Variants in TEX11 observed in about 807,000 individuals in gnomAD.
TEX11 encodes testis-expressed protein 11.
TEX11 carries 7 observed loss-of-function variants against 84.4 expected under a neutral mutation model. The ratio of observed to expected loss-of-function variants is 0.08; its 90% CI spans 0.05 to 0.16. TEX11 has a LOEUF of 0.16. TEX11 is among the 10% of genes least tolerant of loss of function. TEX11 has a pLI of 1.00. For synonymous variants in TEX11, 264 were observed against 222.8 expected, an observed-to-expected ratio of 1.18 and a Z score of -1.64; for missense variants, 551 against 660.5, an observed-to-expected ratio of 0.83 and a Z score of 1.82.
intron 16 of TEX11, among the ~76,000 whole-genome samples, chrX:70,661,155 G>A (rs1269941357): frequency 1.8e-5 from 2 of 111,871 alleles, no homozygotes; most frequent in African/African-American, 6.5e-5. Context: ...ACGGCACTTG[G>A]AAAATCAGGT....
intron 7 of TEX11, among the ~76,000 whole-genome samples, chrX:70,845,633 G>T (rs896618565): frequency 9.1e-6 from 1 of 110,037 alleles, no homozygotes; most frequent in African/African-American, 3.3e-5. Flanking sequence ...TTCGAGACCC[G>T]CCTGGCCAAC....
intron 25 of TEX11, among the ~76,000 whole-genome samples, chrX:70,564,081 T>C (rs1376965301): frequency 9.0e-6 from 1 of 111,472 alleles, no homozygotes; most frequent in Non-Finnish European, 1.9e-5. Flanking sequence ...ATACAAAAAT[T>C]AGCTGGGCGT....
At chrX:70,592,269 C>T (rs2088942848) in intron 24 of TEX11, among the ~76,000 whole-genome samples, 1 of 111,229 alleles carries the variant, frequency 9.0e-6, no homozygotes, top group Non-Finnish European at 1.9e-5. Flanking sequence ...ACAGTAAGAG[C>T]CTGTGACATT....
chrX:70,694,293 T>A (rs775923926), intron 13 of TEX11, among the ~76,000 whole-genome samples: 1 of 111,660 alleles, frequency 9.0e-6, no homozygotes, highest in East Asian at 2.8e-4. Flanking sequence ...TCTGCCCACG[T>A]TGGCCTCCCA....
chrX:70,613,594 G>A (rs1379921051), intron 20 of TEX11, among the ~76,000 whole-genome samples: 1 of 111,611 alleles, frequency 9.0e-6, no homozygotes, highest in African/African-American at 3.3e-5. Flanking sequence ...AGTGCTCTGG[G>A]GCTCTAAATA....
intron 7 of TEX11, among the ~76,000 whole-genome samples, chrX:70,851,705 T>G (rs867648132): frequency 1.7e-5 from 1 of 59,478 alleles, no homozygotes; most frequent in Non-Finnish European, 3.2e-5. Flanking sequence ...ACACACAGAG[T>G]AAATGAATGT....
At chrX:70,563,258 T>A (rs1319786037) in intron 25 of TEX11, among the ~76,000 whole-genome samples, 1 of 111,725 alleles carries the variant, frequency 9.0e-6, no homozygotes, top group Non-Finnish European at 1.9e-5. Context: ...AGCAAATTAA[T>A]GGAGAGCCAG....
At chrX:70,618,071 G>T (rs1229514161) in intron 20 of TEX11, among the ~76,000 whole-genome samples, 1 of 112,107 alleles carries the variant, frequency 8.9e-6, no homozygotes, top group Non-Finnish European at 1.9e-5. Flanking sequence ...ATCTTAGCAG[G>T]CAGAACTGCA....
intron 9 of TEX11, among the ~76,000 whole-genome samples, chrX:70,792,698 C>A (rs1401215390): frequency 9.1e-6 from 1 of 109,610 alleles, no homozygotes; most frequent in Non-Finnish European, 1.9e-5. Flanking sequence ...ACGACAAAAA[C>A]AACAATGACA....
At chrX:70,812,541 G>A (rs765350184) in intron 8 of TEX11, among the ~76,000 whole-genome samples, 7 of 111,094 alleles carry the variant, frequency 6.3e-5, no homozygotes, top group Non-Finnish European at 1.3e-4. Flanking sequence ...GTAAGGAAGG[G>A]ATCCAGTTTC....
At chrX:70,787,205 A>G (rs2091085010) in intron 9 of TEX11, among the ~76,000 whole-genome samples, 1 of 112,498 alleles carries the variant, frequency 8.9e-6, no homozygotes, top group Admixed American at 9.4e-5. Flanking sequence ...AATTAGATAT[A>G]AAAAGAACGT....
chrX:70,768,003 G>T (rs1319220273), intron 9 of TEX11, among the ~76,000 whole-genome samples: 1 of 111,092 alleles, frequency 9.0e-6, no homozygotes, highest in Non-Finnish European at 1.9e-5. Flanking sequence ...GTTTGGTGAG[G>T]GGAGGTGAGG....
chrX:70,555,084 C>T (rs2088269083), intron 25 of TEX11, among the ~76,000 whole-genome samples: 2 of 112,023 alleles, frequency 1.8e-5, no homozygotes, highest in Admixed American at 1.9e-4. Context: ...TGCTTCTAAA[C>T]AGCCTGAGAA....
the TEX11 span, among the ~76,000 whole-genome samples, chrX:70,518,006 C>A: frequency 1.8e-5 from 2 of 108,758 alleles, no homozygotes; most frequent in Admixed American, 9.9e-5. Flanking sequence ...TTTGATTCTT[C>A]TCTCTTTTCT....
intron 9 of TEX11, among the ~76,000 whole-genome samples, chrX:70,793,934 G>A (rs2091140090): frequency 9.1e-6 from 1 of 110,310 alleles, no homozygotes; most frequent in South Asian, 3.8e-4. Flanking sequence ...CAAAATAAAT[G>A]TAGAGGGAGA....
In TEX11 at chrX:70,809,796, A is replaced by G. The variant is rs747288531; in HGVS notation, c.607-3006T>C. Among the ~76,000 whole-genome samples, 5 of 111,049 alleles carry G rather than the reference A, an allele frequency of 4.5e-5. No homozygotes were observed. In the East Asian group the frequency reaches 1.4e-3, roughly 32 times the overall value. The stretch of plus-strand genomic sequence containing the variant: ...ACTGCAACCTCTGCCTCCGAGGTTC[A>G]ACCCATTCTCGTGCCTCAGCCACCC... On this transcript the variant is annotated intron_variant, in intron 8 of 29. Transcript: ENST00000374333.
the TEX11 span, among the ~76,000 whole-genome samples, chrX:70,518,798 G>A: frequency 1.8e-5 from 2 of 111,700 alleles, no homozygotes; most frequent in Non-Finnish European, 1.9e-5. Flanking sequence ...ATGAATCTGG[G>A]TGCTCCTGTA....
intron 14 of TEX11, among the ~76,000 whole-genome samples, chrX:70,679,719 C>G (rs2090120060): frequency 9.2e-6 from 1 of 109,062 alleles, no homozygotes; most frequent in Admixed American, 9.4e-5. Context: ...GCCACCTCGT[C>G]AGGCAGGGAG....
Position 70,808,663 on chromosome X carries a change from C to A in TEX11, c.607-1873G>T, listed in dbSNP as rs113482223. On this transcript the variant is annotated intron_variant, in intron 8 of 29. Transcript: ENST00000374333. The stretch of plus-strand genomic sequence containing the variant: ...TATCAATTGCATGCTTACATCAAAA[C>A]CTTAATGTACCCCATAAATAGATAC... Among the ~76,000 whole-genome samples the A allele has an allele frequency of 9.5e-3, 1,034 of 108,971 alleles. 11 individuals are homozygous for A. Among genetic ancestry groups the A allele is most frequent in the African/African-American group, 0.026 (792 of 30,079 alleles). 94.6% of individuals were successfully genotyped at this position (108,971 alleles called of 115,157 possible). A position where few individuals can be genotyped will look rare whatever the true frequency, so the allele number is the denominator to read the frequency against.
Sources: allele counts gnomAD v4.1 joint callset (sites outside exome capture counted in the v4.1 genomes callset), GRCh38; gene constraint gnomAD v4.1.1; transcripts MANE v1.5; gene names NCBI Gene and HGNC (gene_info 2026-07-23, HGNC 2026-07-21).